GREB1: variants seen among roughly 807,000 people sequenced by gnomAD.
GREB1 encodes protein GREB1.
A neutral mutation model predicts 200.7 loss-of-function variants in GREB1; 106 were observed. The ratio of observed to expected loss-of-function variants is 0.53; its 90% CI spans 0.45 to 0.62. The LOEUF is 0.62. GREB1 is among the 20% of genes least tolerant of loss of function. GREB1 has a pLI of 0.00. For synonymous variants in GREB1, 1,132 were observed against 1,092.4 expected (o/e 1.04, Z -0.72); for missense variants, 2,243 against 2,556.8 (o/e 0.88, Z 2.65).
intron 1 of GREB1, among the ~76,000 whole-genome samples, chr2:11,494,456 G>A (rs1405189127): frequency 2.0e-5 from 3 of 152,268 alleles, no homozygotes; most frequent in Non-Finnish European, 4.4e-5. Flanking sequence ...TATGGATGCT[G>A]ACAGTTGAGA....
chr2:11,632,166 T>G, intron 27 of GREB1, 53 bp downstream of exon 27: 1 of 1,271,574 alleles, frequency 7.9e-7, no homozygotes, highest in Non-Finnish European at 1.1e-6. Context: ...AACGAACACT[T>G]GAGAGAGTGT....
intron 17 of GREB1, among the ~76,000 whole-genome samples, chr2:11,603,444 G>A (rs568173470): frequency 2.6e-5 from 4 of 152,296 alleles, no homozygotes; most frequent in Admixed American, 6.5e-5. Context: ...AGCATAAAGG[G>A]GTTCCATGGT....
Position 11,597,664 on chromosome 2 carries a change from A to G in GREB1, c.1955-117A>G, listed in dbSNP as rs1237119120. On this transcript the variant is annotated intron_variant, in intron 13 of 32. Transcript: ENST00000381486. This position sits in a 1 kb window ranked among gnomAD's most constrained non-coding sequence, Gnocchi z 4.1. ...AACGTGAGTTATTCCCCTTTCCCTC[A>G]TCGCTTTGTGAATGGGGCCGTCTCC... The G allele has an allele frequency of 3.5e-6, 3 of 856,538 alleles. No individual in the cohort carries two copies. The East Asian group carries it at 7.3e-5, about 21-fold the overall frequency. 53.1% of individuals were successfully genotyped at this position (856,538 alleles called of 1,614,324 possible).
chr2:11,611,769 C>T (rs1682950687), intron 18 of GREB1, among the ~76,000 whole-genome samples: 1 of 152,192 alleles, frequency 6.6e-6, no homozygotes, highest in Admixed American at 6.5e-5. Flanking sequence ...CCTAGCACAG[C>T]GCCTGGCCCA....
chr2:11,631,326 G>A (rs946115128), intron 26 of GREB1, among the ~76,000 whole-genome samples: 1 of 152,242 alleles, frequency 6.6e-6, no homozygotes, highest in Non-Finnish European at 1.5e-5. Flanking sequence ...ATTGGGGGGT[G>A]TTGTGTGTTC....
At chr2:11,529,111 G>C (rs1406667083), upstream of GREB1, among the ~76,000 whole-genome samples, 1 of 152,162 alleles carries the variant, frequency 6.6e-6, no homozygotes, top group Non-Finnish European at 1.5e-5. Flanking sequence ...TAGTGAAATT[G>C]ACAAATCTGT....
At chr2:11,625,926 A>G (rs1191942791) in intron 24 of GREB1, among the ~76,000 whole-genome samples, 1 of 152,200 alleles carries the variant, frequency 6.6e-6, no homozygotes, top group Non-Finnish European at 1.5e-5. Flanking sequence ...GGTGAAAGGC[A>G]CGTCTTATAT....
rs988584595 is a variant in GREB1, at chr2:11,566,329, A to G, written c.278-151A>G. The G allele has an allele frequency of 5.9e-6, 4 of 676,110 alleles. No homozygotes were observed. The African/African-American group carries it at 7.3e-5, about 12-fold the overall frequency. 41.9% of individuals were successfully genotyped at this position (676,110 alleles called of 1,614,324 possible). A position where few individuals can be genotyped will look rare whatever the true frequency, so the allele number is the denominator to read the frequency against. ...ACCATGCCCAGCCAACTAAGATTATAGTTCTATCTCTCAGGATTAATTTTG... is the reference window on the plus strand; with the variant it reads ...ACCATGCCCAGCCAACTAAGATTATGGTTCTATCTCTCAGGATTAATTTTG... On this transcript the variant is annotated intron_variant, in intron 3 of 32. Coordinates refer to ENST00000381486, the MANE Select transcript of GREB1 (RefSeq NM_014668.4).
At position 11,588,898 on chromosome 2, in the gene GREB1, C is replaced by G. The variant is rs1476453144; in HGVS notation, c.1312C>G (p.Leu438Val). Residue 438 changes from leucine to valine, a missense_variant, in exon 10 of 33, where the codon CTC becomes GTC. Leu to Val is a conservative substitution (Grantham distance 32). Transcript: ENST00000381486. ...AIQPISEEMQ[L>V]LLTVYYLVQL... ...CCAGCCCATCTCCGAGGAGATGCAG[C>G]TCCTGCTTACCGTCTACTACCTGGT... 1 of 1,614,126 alleles carries G rather than the reference C, an allele frequency of 6.2e-7. No individual in the cohort carries two copies. Among genetic ancestry groups the G allele is most frequent in the Non-Finnish European group, 8.5e-7 (1 of 1,179,968 alleles).
intron 1 of GREB1, among the ~76,000 whole-genome samples, chr2:11,488,348 G>A (rs1239454173): frequency 6.6e-6 from 1 of 152,158 alleles, no homozygotes; most frequent in East Asian, 1.9e-4. Flanking sequence ...GAAACCTCCT[G>A]GAAAGTGCGC....
rs1275688958 is a variant in GREB1, at chr2:11,638,800, T to G, written c.5677T>G (p.Phe1893Val). ...AGCTAGCTTTTTGAAAAAGTTTCAT[T>G]TTCTGAAAGGTAACTTTTGTACTCT... The part of the protein sequence containing the change: ...VGASFLKKFH[F>V]LKGATLCVIC... Residue 1893 changes from phenylalanine (F) to valine (V), a missense_variant, in exon 32 of 33, where the codon TTT becomes GTT. Coordinates refer to ENST00000381486, the MANE Select transcript of GREB1 (RefSeq NM_014668.4). 6.2e-7 allele frequency: 1 copy of G among 1,614,086 alleles called. No individual in the cohort carries two copies. The highest frequency in any genetic ancestry group is 8.5e-7 in the Non-Finnish European group (1 of 1,180,004).
At chr2:11,514,099 A>G (rs1010318975) in intron 1 of GREB1, among the ~76,000 whole-genome samples, 2 of 152,226 alleles carry the variant, frequency 1.3e-5, no homozygotes, top group African/African-American at 4.8e-5. Context: ...ACTGGACCAG[A>G]TGGGATAGAG....
rs139716341 is a variant in GREB1, at chr2:11,556,468, G to A, written c.-147G>A. On this transcript the variant is annotated 5_prime_UTR_variant, in exon 2 of 33. Coordinates refer to ENST00000381486, the MANE Select transcript of GREB1 (RefSeq NM_014668.4). The stretch of plus-strand genomic sequence containing the variant: ...TTGCCCGGCAGTAGCTGCAGCTGAG[G>A]ACAGCCACCCTTTCTTCGTCTCTGC... 65 of 596,138 alleles carry A rather than the reference G, an allele frequency of 1.1e-4. No homozygotes were observed. The highest frequency in any genetic ancestry group is 1.0e-3 in the African/African-American group (56 of 54,350). 36.9% of individuals were successfully genotyped at this position (596,138 alleles called of 1,614,324 possible).
rs368036417 is a variant in GREB1, at chr2:11,616,660, A to G, written c.3352A>G (p.Lys1118Glu). The change falls in exon 21 of 33, where the codon AAA becomes GAA. Residue 1118 changes from lysine to glutamate, a missense_variant. Coordinates refer to ENST00000381486, the MANE Select transcript of GREB1 (RefSeq NM_014668.4). ...GSTSEKRSPM[K>E]RERSRSHDSA... is the part of the protein sequence containing the mutation. ...TACCTCGGAGAAGAGAAGCCCCATG[A>G]AAAGGGAGAGGTCCCGCTCCCACGA... is the stretch of plus-strand genomic sequence containing the variant. 25 of 1,612,456 alleles carry G rather than the reference A, an allele frequency of 1.6e-5. No individual in the cohort carries two copies. The East Asian group carries it at 2.5e-4, about 16-fold the overall frequency.
rs377181735 is a variant in GREB1, at chr2:11,587,694, A to AACACACACAC, written c.1160-1013_1160-1004dup. On this transcript the variant is annotated intron_variant, in intron 9 of 32. Transcript: ENST00000381486. The stretch of plus-strand genomic sequence containing the variant: ...AAATGGAGTACCTGGAGTACAAGAT[A>AACACACACAC]ACACACACACACACACACACACACA... 40 of 707,090 alleles carry AACACACACAC rather than the reference A, an allele frequency of 5.7e-5. 1 individual carries two copies. The highest frequency in any genetic ancestry group is 2.6e-4 in the East Asian group (3 of 11,718). 43.8% of individuals were successfully genotyped at this position (707,090 alleles called of 1,614,324 possible). A position where few individuals can be genotyped will look rare whatever the true frequency, so the allele number is the denominator to read the frequency against.
chr2:11,609,103 G>A (rs1045238138), intron 17 of GREB1, among the ~76,000 whole-genome samples: 4 of 152,132 alleles, frequency 2.6e-5, no homozygotes, highest in Non-Finnish European at 4.4e-5. Flanking sequence ...TCATTTATGT[G>A]TTCAGTTTTT....
chr2:11,606,992 A>G (rs1231075264), intron 17 of GREB1, among the ~76,000 whole-genome samples: 1 of 152,056 alleles, frequency 6.6e-6, no homozygotes, highest in Non-Finnish European at 1.5e-5. Flanking sequence ...CATGTTAGCC[A>G]GGATGGTCTC....
chr2:11,600,130 G>A (rs1681650126), intron 15 of GREB1, among the ~76,000 whole-genome samples: 1 of 152,190 alleles, frequency 6.6e-6, no homozygotes, highest in Non-Finnish European at 1.5e-5. Flanking sequence ...ATCCATGTGT[G>A]GGCTTGGGGG....
chr2:11,635,736 G>A (rs1558673257), intron 30 of GREB1, among the ~76,000 whole-genome samples: 1 of 152,186 alleles, frequency 6.6e-6, no homozygotes. Context: ...GTGCCTAGTT[G>A]CATAACTATT....
Sources: gnomAD v4.1 joint callset for allele counts (sites outside exome capture counted in the v4.1 genomes callset) on GRCh38, gnomAD v4.1.1 for gene constraint, Gnocchi (gnomAD v3.1) non-coding constraint, MANE v1.5 for transcripts, NCBI Gene and HGNC (gene_info 2026-07-23, HGNC 2026-07-21) for gene names.